The following CCDC88C variants were observed in gnomAD, a reference collection of about 807,000 sequenced individuals.
CCDC88C encodes coiled-coil and HOOK domain protein 88C, also known as protein Daple.
Under a neutral mutation model 198.8 loss-of-function variants are expected in CCDC88C, and 131 were observed. The ratio of observed to expected loss-of-function variants is 0.66; its 90% CI spans 0.57 to 0.76. The LOEUF (loss-of-function observed/expected upper bound fraction) is 0.76, where lower values mean the gene tolerates loss of function less well. Among genes scored for constraint, CCDC88C ranks in the 30% least tolerant of loss-of-function variants. The pLI, the probability that CCDC88C is intolerant of heterozygous loss-of-function variation, is 0.00. For missense variants in CCDC88C, 2,553 were observed against 2,631.6 expected (o/e 0.97, Z 0.65); for synonymous variants, 1,166 against 1,114.7 (o/e 1.05, Z -0.92).
Position 91,271,355 on chromosome 14 carries a change from C to T in CCDC88C, c.*1270G>A, listed in dbSNP as rs1889728515. On this transcript the variant is annotated 3_prime_UTR_variant, in exon 30 of 30. Transcript: ENST00000389857. ...CCATTCCATTTTATTACAGTCCTGT[C>T]CTTGAGTTCCAGAATGAATGGCTAT... 2 of 152,048 alleles carry T rather than the reference C, an allele frequency of 1.3e-5. No individual in the cohort carries two copies. Among genetic ancestry groups the T allele is most frequent in the South Asian group, 4.1e-4 (2 of 4,826 alleles). 9.4% of individuals were successfully genotyped at this position (152,048 alleles called of 1,614,324 possible).
chr14:91,359,160 CTTTT>C (rs950112450), intron 4 of CCDC88C, among the ~76,000 whole-genome samples: 11 of 108,654 alleles, frequency 1.0e-4, no homozygotes, highest in Admixed American at 1.0e-4. Context: ...AGGCTTCATT[CTTTT>C]TTTTTTTTTT....
At chr14:91,289,940 T>C (rs1890587908) in intron 24 of CCDC88C, among the ~76,000 whole-genome samples, 1 of 152,158 alleles carries the variant, frequency 6.6e-6, no homozygotes, top group African/African-American at 2.4e-5. Flanking sequence ...CAGTTTCTCA[T>C]CTTGGCTTCA....
intron 3 of CCDC88C, among the ~76,000 whole-genome samples, chr14:91,406,292 G>A (rs1361000163): frequency 6.6e-6 from 1 of 152,212 alleles, no homozygotes; most frequent in Non-Finnish European, 1.5e-5. Flanking sequence ...TGGCCAAACA[G>A]CTTGCAGCAA....
chr14:91,275,065 A>ATG (rs1235234652), intron 29 of CCDC88C, among the ~76,000 whole-genome samples: 1 of 152,106 alleles, frequency 6.6e-6, no homozygotes, highest in Non-Finnish European at 1.5e-5. Flanking sequence ...TTTCCCTGGG[A>ATG]TGGGAAGCCC....
chr14:91,298,548 A>T (rs1224866694), intron 21 of CCDC88C, among the ~76,000 whole-genome samples: 1 of 151,844 alleles, frequency 6.6e-6, no homozygotes, highest in African/African-American at 2.4e-5. Context: ...AAAAAAATTT[A>T]GTGGCCAGCA....
chr14:91,351,501 C>A (rs1453575096), intron 4 of CCDC88C, among the ~76,000 whole-genome samples: 1 of 152,076 alleles, frequency 6.6e-6, no homozygotes, highest in Non-Finnish European at 1.5e-5. Context: ...GAGAGTTCCC[C>A]GTGGGTGGGC....
intron 23 of CCDC88C, among the ~76,000 whole-genome samples, chr14:91,292,596 T>C (rs1449265777): frequency 2.0e-5 from 3 of 152,086 alleles, no homozygotes; most frequent in Admixed American, 2.0e-4. Context: ...ATCAGAGAGT[T>C]GGGATAGCAC....
In CCDC88C at chr14:91,273,150, A is replaced by G. The variant is rs1889812407; in HGVS notation, c.5562T>C (p.His1854=). The change falls in exon 30 of 30, where the codon CAT becomes CAC. Residue 1854 remains histidine, a synonymous_variant. Coordinates refer to ENST00000389857, the MANE Select transcript of CCDC88C (RefSeq NM_001080414.4). The surrounding 1 kb of genome is among the most constrained non-coding windows in gnomAD (Gnocchi z 5.6). ...GTGGGGTCCGCTCCCGGGCCAGGCT[A>G]TGGGAGCTGGGGGGTGCGGGGCTTT... ...TLQSPAPPSS[H]SLARERTPLV... is the part of the protein sequence containing the mutation. 6.3e-7 allele frequency: 1 copy of G among 1,580,974 alleles called. No individual in the cohort carries two copies. The highest frequency in any genetic ancestry group is 8.6e-7 in the Non-Finnish European group (1 of 1,163,976).
intron 3 of CCDC88C, among the ~76,000 whole-genome samples, chr14:91,388,208 C>T (rs560837430): frequency 6.6e-5 from 10 of 152,308 alleles, no homozygotes; most frequent in East Asian, 1.9e-4. Flanking sequence ...AAGCGGGAGA[C>T]GGCCAGGGTG....
intron 25 of CCDC88C, among the ~76,000 whole-genome samples, chr14:91,287,063 C>A (rs1053799443): frequency 2.0e-5 from 3 of 152,088 alleles, no homozygotes; most frequent in African/African-American, 7.2e-5. Flanking sequence ...TTGGACCAGT[C>A]AAGCATTTTT....
chr14:91,315,656 G>A lies in CCDC88C; in HGVS notation c.1659C>T (p.Ala553=), dbSNP rs549408710. The A allele has an allele frequency of 8.7e-6, 14 of 1,613,930 alleles. No individual in the cohort carries two copies. The highest frequency in any genetic ancestry group is 3.3e-4 in the Middle Eastern group (2 of 6,048). ...SDMETLKADK[A]RQIKDLEQEK... ...TAGTGGTGGAGGCACCTACCTGCCTGGCTTTGTCAGCCTTCAGGGTCTCCA... is the reference window on the plus strand; with the variant it reads ...TAGTGGTGGAGGCACCTACCTGCCTAGCTTTGTCAGCCTTCAGGGTCTCCA... Residue 553 remains alanine, a synonymous_variant, in exon 14 of 30, where the codon GCC becomes GCT. Transcript: ENST00000389857.
Position 91,417,766 on chromosome 14 carries a change from C to T in CCDC88C, c.-76G>A, listed in dbSNP as rs1887149863. Reference sequence around the variant, plus strand: ...CCCCGCGCCGCGGCACAAAACGGCTCCGCAGCGAGCAGCGGGCGCGGGGCT... The same window carrying T: ...CCCCGCGCCGCGGCACAAAACGGCTTCGCAGCGAGCAGCGGGCGCGGGGCT... On this transcript the variant is annotated 5_prime_UTR_variant, in exon 1 of 30. Transcript: ENST00000389857. The T allele has an allele frequency of 8.9e-7, 1 of 1,129,182 alleles. No homozygotes were observed. Among genetic ancestry groups the T allele is most frequent in the Middle Eastern group, 3.1e-4 (1 of 3,192 alleles). The allele number at this position is 1,129,182 out of a possible 1,614,324, so 69.9% of individuals were successfully genotyped here. A position where few individuals can be genotyped will look rare whatever the true frequency, so the allele number is the denominator to read the frequency against.
chr14:91,360,070 T>C (rs558265533), intron 3 of CCDC88C, among the ~76,000 whole-genome samples: 1 of 152,194 alleles, frequency 6.6e-6, no homozygotes, highest in African/African-American at 2.4e-5. Flanking sequence ...GACAGCAGTA[T>C]GATGTTTCTT....
rs761248096 is a variant in CCDC88C, at chr14:91,324,892, T to A, written c.1229A>T (p.Glu410Val). The A allele has an allele frequency of 6.2e-7, 1 of 1,613,792 alleles. No homozygotes were observed. Among genetic ancestry groups the A allele is most frequent in the Admixed American group, 1.7e-5 (1 of 60,014 alleles). The change falls in exon 12 of 30, where the codon GAG becomes GTG. Residue 410 changes from glutamate (E) to valine (V), a missense_variant. Coordinates refer to ENST00000389857, the MANE Select transcript of CCDC88C (RefSeq NM_001080414.4). ...DRDTDKKRIE[E>V]LLEENMVLEI... Reference sequence around the variant, plus strand: ...AAGGACCATGTTTTCTTCCAGCAGCTCCTCAATTCGTTTCTTATCTGTGTC... The same window carrying A: ...AAGGACCATGTTTTCTTCCAGCAGCACCTCAATTCGTTTCTTATCTGTGTC...
At chr14:91,317,826 T>A (rs1015937735) in intron 13 of CCDC88C, among the ~76,000 whole-genome samples, 3 of 152,076 alleles carry the variant, frequency 2.0e-5, no homozygotes, top group African/African-American at 7.2e-5. Flanking sequence ...GAGATCAGCA[T>A]AAGGAGTTGT....
At position 91,315,769 on chromosome 14, in the gene CCDC88C, G is replaced by C; in HGVS notation, c.1546C>G (p.Gln516Glu). 6.2e-7 allele frequency: 1 copy of C among 1,612,992 alleles called. No individual in the cohort carries two copies. Among genetic ancestry groups the C allele is most frequent in the African/African-American group, 1.3e-5 (1 of 75,000 alleles). ...TTGCTCTGCTTTTCTCTCTCCAGCT[G>C]GGTTTGTAACTTTTCAATCTGCAGA... ...LSKKIEKLQT[Q>E]LEREKQSNQD... Residue 516 changes from glutamine to glutamate, a missense_variant, in exon 14 of 30, where the codon CAG becomes GAG. Physicochemically the swap from Gln to Glu is conservative, Grantham distance 29. Coordinates refer to ENST00000389857, the MANE Select transcript of CCDC88C (RefSeq NM_001080414.4).
At chr14:91,400,233 G>A (rs1886094231) in intron 3 of CCDC88C, among the ~76,000 whole-genome samples, 2 of 152,342 alleles carry the variant, frequency 1.3e-5, no homozygotes, top group South Asian at 4.1e-4. Context: ...AACCTGTCAA[G>A]TCCCACCCAC....
Position 91,305,881 on chromosome 14 carries a change from G to A in CCDC88C, c.3241C>T (p.Gln1081Ter), listed in dbSNP as rs1329967664. The A allele has an allele frequency of 1.2e-6, 2 of 1,613,914 alleles. No individual in the cohort carries two copies. The highest frequency in any genetic ancestry group is 1.7e-6 in the Non-Finnish European group (2 of 1,179,894). Reference protein sequence around the residue: ...AEKQLLKEQLQHLETQNVTFS... With the variant: ...AEKQLLKEQL The stretch of plus-strand genomic sequence containing the variant: ...GTCACGTTCTGGGTCTCCAGGTGCT[G>A]CAGCTGTTCCTTTAGCAGCTGCTTC... The change falls in exon 19 of 30, where the codon CAG (glutamine) becomes TAG (stop). Residue 1081 changes from glutamine to a stop codon, truncating the protein, a stop_gained. Transcript: ENST00000389857. LOFTEE classifies it high-confidence loss of function.
rs1250862025 is a variant in CCDC88C, at chr14:91,339,326, A to G, written c.761T>C (p.Val254Ala). 6.2e-7 allele frequency: 1 copy of G among 1,613,542 alleles called. No homozygotes were observed. The highest frequency in any genetic ancestry group is 8.5e-7 in the Non-Finnish European group (1 of 1,179,890). ...LSSEDKQHLA[V>A]ELADTKARLR... is the part of the protein sequence containing the mutation. Reference sequence around the variant, plus strand: ...CCTGGCCTTGGTGTCGGCCAGCTCTACGGCCAGGTGCTGCTTGTCTTCGCT... The same window carrying G: ...CCTGGCCTTGGTGTCGGCCAGCTCTGCGGCCAGGTGCTGCTTGTCTTCGCT... The change falls in exon 8 of 30, where the codon GTA (valine) becomes GCA (alanine). Residue 254 changes from valine (V) to alanine (A), a missense_variant. Around this residue, in one of 2 missense-constraint regions of CCDC88C, gnomAD observed 1,260 missense variants for 1,412.0 expected, o/e 0.89. Transcript: ENST00000389857. This position sits in a 1 kb window ranked among gnomAD's most constrained non-coding sequence, Gnocchi z 5.8.
Sources: allele counts gnomAD v4.1 joint callset (sites outside exome capture counted in the v4.1 genomes callset), GRCh38; gene constraint gnomAD v4.1.1; regional missense constraint gnomAD v4.1.1; non-coding constraint Gnocchi (gnomAD v3.1); transcripts MANE v1.5; gene names NCBI Gene and HGNC (gene_info 2026-07-23, HGNC 2026-07-21).